Variants in C8orf34 observed in about 807,000 individuals in gnomAD.
C8orf34 encodes chromosome 8 open reading frame 34, also known as uncharacterized protein C8orf34.
In C8orf34, 65 loss-of-function variants were observed where a neutral mutation model predicts 68.3. The ratio of observed to expected loss-of-function variants is 0.95; its 90% CI spans 0.78 to 1.17. C8orf34 has a LOEUF of 1.17. Among genes scored for constraint, C8orf34 ranks in the 50% most tolerant of loss-of-function variants. The probability of loss-of-function intolerance (pLI) is 0.00; values close to 1 mark genes in which losing one functional copy is unlikely to be tolerated. For synonymous variants in C8orf34, 244 were observed against 241.2 expected, an observed-to-expected ratio of 1.01 and a Z score of -0.11; for missense variants, 664 against 655.4, an observed-to-expected ratio of 1.01 and a Z score of -0.14.
chr8:68,519,567 C>CAG (rs3057700), intron 5 of C8orf34, among the ~76,000 whole-genome samples: 37,649 of 151,978 alleles, frequency 0.25, 6,413 homozygotes, highest in African/African-American at 0.49. Context: ...TGAATGAAAA[C>CAG]ATTTCATTCA....
chr8:68,516,615 G>A (rs912594429), intron 5 of C8orf34, among the ~76,000 whole-genome samples: 1 of 130,118 alleles, frequency 7.7e-6, no homozygotes, highest in African/African-American at 3.8e-5. Flanking sequence ...TTTTGACTGG[G>A]AATGCTATTT....
intron 5 of C8orf34, among the ~76,000 whole-genome samples, chr8:68,490,349 G>A (rs1813259508): frequency 6.6e-6 from 1 of 151,984 alleles, no homozygotes; most frequent in Non-Finnish European, 1.5e-5. Flanking sequence ...GACTTGCAGC[G>A]GCTTTGGTGT....
intron 10 of C8orf34, among the ~76,000 whole-genome samples, chr8:68,744,058 T>C (rs1822394341): frequency 6.6e-6 from 1 of 152,152 alleles, no homozygotes; most frequent in South Asian, 2.1e-4. Flanking sequence ...GACTGCCTCC[T>C]CAAGTGGGTC....
chr8:68,814,528 C>T (rs867931236), intron 12 of C8orf34, among the ~76,000 whole-genome samples: 3 of 152,182 alleles, frequency 2.0e-5, no homozygotes, highest in Non-Finnish European at 4.4e-5. Flanking sequence ...ACAACCTCCA[C>T]CTTCAATCCA....
chr8:68,384,143 A>G (rs1397408783), intron 1 of C8orf34, among the ~76,000 whole-genome samples: 1 of 152,238 alleles, frequency 6.6e-6, no homozygotes, highest in Non-Finnish European at 1.5e-5. Flanking sequence ...GCTCTTTCCA[A>G]TTCTATTTTC....
At position 68,575,956 on chromosome 8, in the gene C8orf34, G is replaced by GGT. The variant is rs747862590; in HGVS notation, c.1105+42807_1105+42808insGT. On this transcript the variant is annotated intron_variant, in intron 7 of 13. Transcript: ENST00000518698. Reference sequence around the variant, plus strand: ...GCTGACATAATGCTAGTAGATGGTTGTTTTTTTTTTTTTTTTTTTTTGCCT... The same window carrying GGT: ...GCTGACATAATGCTAGTAGATGGTTGGTTTTTTTTTTTTTTTTTTTTTTGCCT... Among the ~76,000 whole-genome samples, 105 of 96,292 alleles carry GGT rather than the reference G, an allele frequency of 1.1e-3. 7 individuals carry two copies. Among genetic ancestry groups the GGT allele is most frequent in the Non-Finnish European group, 1.3e-3 (61 of 47,280 alleles). The allele number at this position is 96,292 out of a possible 152,430, so 63.2% of individuals were successfully genotyped here. A position where few individuals can be genotyped will look rare whatever the true frequency, so the allele number is the denominator to read the frequency against.
chr8:68,720,795 AT>A (rs1821648850), intron 9 of C8orf34, among the ~76,000 whole-genome samples: 2 of 151,902 alleles, frequency 1.3e-5, no homozygotes, highest in South Asian at 4.1e-4. Context: ...GTTTTCACAT[AT>A]TTGAAAGCCA....
intron 10 of C8orf34, among the ~76,000 whole-genome samples, chr8:68,772,853 CTCCTTCCTTCCTTCTTTCCTTCCT>C (rs1393753663): frequency 1.4e-5 from 2 of 141,586 alleles, no homozygotes; most frequent in Non-Finnish European, 3.0e-5. Context: ...CTCTCTTTCT[CTCCTTCCTTCCTTCTTTCCTTCCT>C]TCCTTCCTTC....
In C8orf34 at chr8:68,644,672, G is replaced by A. The variant is rs139516091; in HGVS notation, c.1241+4161G>A. Reference sequence around the variant, plus strand: ...CAGGCCAGTGGGAGAAGGATCCAGTGCCAAGAAGATACAGACAGCATTCTA... The same window carrying A: ...CAGGCCAGTGGGAGAAGGATCCAGTACCAAGAAGATACAGACAGCATTCTA... On this transcript the variant is annotated intron_variant, in intron 8 of 13. Transcript: ENST00000518698. 1.9e-3 allele frequency among the ~76,000 whole-genome samples: 295 copies of A among 152,286 alleles called. 2 individuals carry two copies. Among genetic ancestry groups the A allele is most frequent in the African/African-American group, 6.6e-3 (276 of 41,564 alleles).
intron 1 of C8orf34, among the ~76,000 whole-genome samples, chr8:68,425,460 C>T (rs1337056941): frequency 6.6e-6 from 1 of 152,066 alleles, no homozygotes; most frequent in Non-Finnish European, 1.5e-5. Flanking sequence ...TTTCTGTATA[C>T]TGACAAAAGT....
chr8:68,705,238 A>G (rs1475554596), intron 8 of C8orf34, among the ~76,000 whole-genome samples: 1 of 152,178 alleles, frequency 6.6e-6, no homozygotes, highest in African/African-American at 2.4e-5. Flanking sequence ...AAGGTTTAAA[A>G]TATCTCAACC....
At chr8:68,441,015 A>C (rs945893203) in intron 2 of C8orf34, among the ~76,000 whole-genome samples, 1 of 152,142 alleles carries the variant, frequency 6.6e-6, no homozygotes, top group East Asian at 1.9e-4. Flanking sequence ...TGTGTTAGCC[A>C]GGATGGTCTC....
chr8:68,461,921 A>T, intron 3 of C8orf34, among the ~76,000 whole-genome samples: 2 of 152,342 alleles, frequency 1.3e-5, no homozygotes, highest in Non-Finnish European at 2.9e-5. Context: ...TAATGACAGG[A>T]TCAAATTCAC....
At chr8:68,427,670 T>TAC (rs144420464) in intron 1 of C8orf34, among the ~76,000 whole-genome samples, 2,668 of 151,260 alleles carry the variant, frequency 0.018, 99 homozygotes, top group African/African-American at 0.061. Context: ...CATGGAACTA[T>TAC]ACACACACAC....
chr8:68,694,444 T>G (rs1820770314), intron 8 of C8orf34, among the ~76,000 whole-genome samples: 1 of 152,112 alleles, frequency 6.6e-6, no homozygotes, highest in Admixed American at 6.6e-5. Context: ...TGTGTTTTTC[T>G]ATAAATATCC....
intron 12 of C8orf34, among the ~76,000 whole-genome samples, chr8:68,793,849 A>G (rs1824084081): frequency 6.6e-6 from 1 of 152,226 alleles, no homozygotes; most frequent in South Asian, 2.1e-4. Context: ...ACTGGCAAAA[A>G]TTAAAAAAAG....
At chr8:68,361,067 T>C (rs546986142) in intron 1 of C8orf34, among the ~76,000 whole-genome samples, 5 of 152,244 alleles carry the variant, frequency 3.3e-5, no homozygotes, top group South Asian at 4.1e-4. Context: ...CCCTTTTTTC[T>C]ATAATGTCCT....
intron 10 of C8orf34, among the ~76,000 whole-genome samples, chr8:68,725,895 T>C (rs569122188): frequency 5.3e-5 from 8 of 152,142 alleles, no homozygotes; most frequent in Non-Finnish European, 1.0e-4. Context: ...AATATCTTTT[T>C]TTATTTTTTT....
chr8:68,543,780 C>T (rs986905349), intron 7 of C8orf34, among the ~76,000 whole-genome samples: 2 of 152,158 alleles, frequency 1.3e-5, no homozygotes, highest in African/African-American at 4.8e-5. Flanking sequence ...TATAGGGGCT[C>T]TGTTTCCAGT....
Sources: gnomAD v4.1 joint callset for allele counts (sites outside exome capture counted in the v4.1 genomes callset) on GRCh38, gnomAD v4.1.1 for gene constraint, MANE v1.5 for transcripts, NCBI Gene and HGNC (gene_info 2026-07-23, HGNC 2026-07-21) for gene names.